Variants in TRPM6 observed in about 807,000 individuals in gnomAD.
The protein encoded by TRPM6 is channel kinase 2.
TRPM6 carries 111 observed loss-of-function variants against 247.6 expected under a neutral mutation model. The ratio of observed to expected loss-of-function variants is 0.45; its 90% confidence interval spans 0.38 to 0.52. The LOEUF is 0.52. TRPM6 is among the 20% of genes least tolerant of loss of function. The pLI is 0.00. For missense variants in TRPM6, 2,126 were observed against 2,421.5 expected, an observed-to-expected ratio of 0.88 and a Z score of 2.56; for synonymous variants, 892 against 853.8, an observed-to-expected ratio of 1.04 and a Z score of -0.78.
intron 1 of TRPM6, among the ~76,000 whole-genome samples, chr9:74,886,028 T>A (rs1248998571): frequency 6.6e-6 from 1 of 152,238 alleles, no homozygotes; most frequent in Non-Finnish European, 1.5e-5. Context: ...ATCCAAAAAA[T>A]TAACTATGAT....
At chr9:74,748,295 G>A (rs1231865131) in intron 30 of TRPM6, among the ~76,000 whole-genome samples, 1 of 152,188 alleles carries the variant, frequency 6.6e-6, no homozygotes, top group East Asian at 1.9e-4. Context: ...GATCATGATG[G>A]ATGACTATGT....
At chr9:74,775,848 GCT>G in intron 24 of TRPM6, 33 bp downstream of exon 24, 1 of 1,606,994 alleles carries the variant, frequency 6.2e-7, no homozygotes, top group South Asian at 1.1e-5. Flanking sequence ...CCTACTTTTT[GCT>G]CTCTTTCTCC....
At chr9:74,821,595 T>C (rs1223866227) in intron 8 of TRPM6, 74 bp downstream of exon 8, 4 of 1,528,722 alleles carry the variant, frequency 2.6e-6, no homozygotes, top group Admixed American at 1.7e-5. Context: ...CTCACATAAA[T>C]GCACAGCCAA....
At chr9:74,760,206 G>T (rs552686301) in intron 27 of TRPM6, among the ~76,000 whole-genome samples, 1 of 152,080 alleles carries the variant, frequency 6.6e-6, no homozygotes, top group East Asian at 1.9e-4. Context: ...TTCACTCACC[G>T]CTCACTCACT....
chr9:74,806,279 G>GTATTTATT lies in TRPM6; in HGVS notation c.1638+1747_1638+1754dup, dbSNP rs60032253. ...ACCATAGGCTTTTTAAAAATTTATT[G>GTATTTATT]TATTTATTTATTTATTTATTTATTT... On this transcript the variant is annotated intron_variant, in intron 14 of 38. Transcript: ENST00000360774. 6.2e-3 allele frequency among the ~76,000 whole-genome samples: 938 copies of GTATTTATT among 150,772 alleles called. 11 individuals are homozygous for GTATTTATT. The highest frequency in any genetic ancestry group is 0.022 in the African/African-American group (906 of 40,844).
At position 74,816,887 on chromosome 9, in the gene TRPM6, C is replaced by T; in HGVS notation, c.1207+5G>A. The T allele has an allele frequency of 6.2e-7, 1 of 1,614,026 alleles. No individual in the cohort carries two copies. The highest frequency in any genetic ancestry group is 1.7e-5 in the Admixed American group (1 of 60,022). Reference sequence around the variant, plus strand: ...GAACAATTGCAACCCCATCCAGATACTCACCCTTCAGCAAAGCTGTTAGGA... The same window carrying T: ...GAACAATTGCAACCCCATCCAGATATTCACCCTTCAGCAAAGCTGTTAGGA... On this transcript the variant is annotated splice_donor_5th_base_variant and intron_variant, in intron 10 of 38. Transcript: ENST00000360774.
At chr9:74,851,631 C>T (rs549565461) in intron 3 of TRPM6, among the ~76,000 whole-genome samples, 1 of 151,456 alleles carries the variant, frequency 6.6e-6, no homozygotes, top group Non-Finnish European at 1.5e-5. Flanking sequence ...CGCCTGTAAT[C>T]CCAGCTACTC....
At chr9:74,761,581 T>C (rs1826633987) in intron 27 of TRPM6, 115 bp downstream of exon 27, 2 of 748,718 alleles carry the variant, frequency 2.7e-6, no homozygotes, top group Non-Finnish European at 4.8e-6. Flanking sequence ...CTTCAATCCT[T>C]TCAACACAAT....
chr9:74,847,032 C>G (rs1415630864), intron 3 of TRPM6, among the ~76,000 whole-genome samples: 1 of 152,186 alleles, frequency 6.6e-6, no homozygotes, highest in Non-Finnish European at 1.5e-5. Context: ...CTTGAGTACA[C>G]AGACGAGGTG....
chr9:74,769,258 G>GC (rs1406884737), intron 25 of TRPM6, among the ~76,000 whole-genome samples: 9 of 152,034 alleles, frequency 5.9e-5, no homozygotes, highest in Non-Finnish European at 1.3e-4. Flanking sequence ...TGATTCTTCT[G>GC]CCTCAGCATC....
intron 33 of TRPM6, 44 bp downstream of exon 33, chr9:74,742,517 C>T: frequency 6.4e-7 from 1 of 1,571,232 alleles, no homozygotes; most frequent in Non-Finnish European, 8.8e-7. Flanking sequence ...AGATTTTATG[C>T]CTCTGTCCTG....
intron 18 of TRPM6, among the ~76,000 whole-genome samples, chr9:74,795,360 T>C (rs1828053892): frequency 6.6e-6 from 1 of 152,168 alleles, no homozygotes; most frequent in Non-Finnish European, 1.5e-5. Context: ...AGAATAAAAA[T>C]CATACTCCTT....
intron 17 of TRPM6, 76 bp downstream of exon 17, chr9:74,800,178 A>G (rs1416172185): frequency 3.0e-5 from 42 of 1,381,978 alleles, no homozygotes; most frequent in Non-Finnish European, 3.9e-5. Flanking sequence ...ACAATTCTGG[A>G]ACAAAATGTA....
At chr9:74,790,855 C>T (rs1274616613) in intron 19 of TRPM6, among the ~76,000 whole-genome samples, 1 of 152,172 alleles carries the variant, frequency 6.6e-6, no homozygotes, top group Non-Finnish European at 1.5e-5. Flanking sequence ...GGTTGGATTC[C>T]TAAAGGCTAT....
chr9:74,791,672 T>C (rs1827901519), intron 19 of TRPM6, among the ~76,000 whole-genome samples: 2 of 152,192 alleles, frequency 1.3e-5, no homozygotes, highest in Admixed American at 1.3e-4. Context: ...TATAAACATA[T>C]ACTACTGAAG....
chr9:74,828,564 G>A (rs1050451559), intron 6 of TRPM6, among the ~76,000 whole-genome samples: 11 of 151,802 alleles, frequency 7.2e-5, no homozygotes, highest in African/African-American at 2.2e-4. Flanking sequence ...TGCTTTCCAC[G>A]TGCTTGAATG....
chr9:74,741,967 TGAG>T (rs1422367380), intron 33 of TRPM6, among the ~76,000 whole-genome samples: 1 of 152,124 alleles, frequency 6.6e-6, no homozygotes, highest in African/African-American at 2.4e-5. Flanking sequence ...GTGAACAGTG[TGAG>T]AAGAATCAAG....
Position 74,743,999 on chromosome 9 carries a change from T to C in TRPM6, c.5134+96A>G, listed in dbSNP as rs1300191313. Reference sequence around the variant, plus strand: ...CAATAACTTTTCAAGTCGCGAGCCATGTCAGTAACACAGAATTTGTCAGTG... The same window carrying C: ...CAATAACTTTTCAAGTCGCGAGCCACGTCAGTAACACAGAATTTGTCAGTG... On this transcript the variant is annotated intron_variant, in intron 32 of 38. Transcript: ENST00000360774. The C allele has an allele frequency of 2.3e-5, 28 of 1,219,864 alleles. No homozygotes were observed. The South Asian group carries it at 2.7e-4, about 12-fold the overall frequency. The allele number at this position is 1,219,864 out of a possible 1,614,324, so 75.6% of individuals were successfully genotyped here.
chr9:74,785,805 G>C (rs1045119673), intron 21 of TRPM6, 69 bp downstream of exon 21: 2 of 1,577,484 alleles, frequency 1.3e-6, no homozygotes, highest in Admixed American at 1.7e-5. Context: ...TTACAGGTGT[G>C]AGCCACCACA....
Sources: allele counts gnomAD v4.1 joint callset (sites outside exome capture counted in the v4.1 genomes callset), GRCh38; gene constraint gnomAD v4.1.1; transcripts MANE v1.5; gene names NCBI Gene and HGNC (gene_info 2026-07-23, HGNC 2026-07-21).